TJP1: variants seen among roughly 807,000 people sequenced by gnomAD.
The protein encoded by TJP1 is tight junction protein 1.
A neutral mutation model predicts 194.2 loss-of-function variants in TJP1; 43 were observed. The ratio of observed to expected loss-of-function variants is 0.22; its 90% CI spans 0.17 to 0.29. The LOEUF (loss-of-function observed/expected upper bound fraction) is 0.29, where lower values mean the gene tolerates loss of function less well. Among genes scored for constraint, TJP1 ranks in the 10% least tolerant of loss-of-function variants. The probability of loss-of-function intolerance (pLI) is 1.00; values close to 1 mark genes in which losing one functional copy is unlikely to be tolerated. For synonymous variants in TJP1, 801 were observed against 779.0 expected (o/e 1.03, Z -0.47); for missense variants, 1,971 against 2,185.7 (o/e 0.90, Z 1.96).
intron 2 of TJP1, among the ~76,000 whole-genome samples, chr15:29,880,948 G>T (rs2052905867): frequency 6.6e-6 from 1 of 152,152 alleles, no homozygotes; most frequent in Non-Finnish European, 1.5e-5. Flanking sequence ...GCTTCTTTTG[G>T]ATATATACCT....
intron 2 of TJP1, among the ~76,000 whole-genome samples, chr15:29,902,831 C>A (rs1330295225): frequency 6.6e-6 from 1 of 152,064 alleles, no homozygotes; most frequent in South Asian, 2.1e-4. Flanking sequence ...GTCAACAGAT[C>A]GAGACCATCC....
At chr15:29,865,003 A>G (rs1051416782) in intron 2 of TJP1, among the ~76,000 whole-genome samples, 9 of 152,216 alleles carry the variant, frequency 5.9e-5, no homozygotes, top group African/African-American at 2.2e-4. Context: ...ACACACTAAG[A>G]GTACCCTTCC....
At chr15:29,811,889 T>TG (rs1209598727) in intron 1 of TJP1, among the ~76,000 whole-genome samples, 1 of 152,082 alleles carries the variant, frequency 6.6e-6, no homozygotes, top group Non-Finnish European at 1.5e-5. Flanking sequence ...AATGAATGAA[T>TG]GTCTTAAATA....
At chr15:29,877,662 CTCTT>C (rs1215492987) in intron 2 of TJP1, among the ~76,000 whole-genome samples, 15 of 146,270 alleles carry the variant, frequency 1.0e-4, no homozygotes, top group East Asian at 2.0e-4. Flanking sequence ...TTGTCTCTCT[CTCTT>C]TCTTTTTTTT....
At chr15:29,845,525 G>C (rs972969758) in intron 2 of TJP1, among the ~76,000 whole-genome samples, 14 of 152,180 alleles carry the variant, frequency 9.2e-5, no homozygotes, top group African/African-American at 3.1e-4. Context: ...AATTGTACTG[G>C]CTGGGCGCAG....
intron 1 of TJP1, among the ~76,000 whole-genome samples, chr15:29,965,332 CTT>C (rs2056297311): frequency 6.6e-6 from 1 of 152,082 alleles, no homozygotes; most frequent in African/African-American, 2.4e-5. Flanking sequence ...GCCTCAGCCT[CTT>C]GAGTAGCTGG....
At chr15:29,840,009 G>A (rs888714015) in intron 2 of TJP1, among the ~76,000 whole-genome samples, 1 of 152,164 alleles carries the variant, frequency 6.6e-6, no homozygotes, top group African/African-American at 2.4e-5. Flanking sequence ...TAATGACATT[G>A]AACAGCTTTT....
Position 29,761,585 on chromosome 15 carries a change from A to G in TJP1, c.862+16T>C. On this transcript the variant is annotated intron_variant, in intron 7 of 27. Coordinates refer to ENST00000614355, the MANE Select transcript of TJP1 (RefSeq NM_001330239.4). ...TAGGTCACTTAGAGGGAACGTTCAAACAGAATCACACTCACCGTCTCTCTC... is the reference window on the plus strand; with the variant it reads ...TAGGTCACTTAGAGGGAACGTTCAAGCAGAATCACACTCACCGTCTCTCTC... 1 of 1,578,702 alleles carries G rather than the reference A, an allele frequency of 6.3e-7. No individual in the cohort carries two copies. Among genetic ancestry groups the G allele is most frequent in the Non-Finnish European group, 8.6e-7 (1 of 1,159,262 alleles).
intron 2 of TJP1, 163 bp downstream of exon 2, chr15:29,800,483 T>C (rs1193728203): frequency 3.1e-6 from 2 of 645,300 alleles, no homozygotes; most frequent in Admixed American, 3.2e-5. Flanking sequence ...ATGCTCACTT[T>C]TGACCTTAAT....
At chr15:29,929,753 A>G (rs1037218459) in intron 2 of TJP1, among the ~76,000 whole-genome samples, 1 of 152,138 alleles carries the variant, frequency 6.6e-6, no homozygotes, top group African/African-American at 2.4e-5. Context: ...AGTCAGAAAA[A>G]GAACAAGAGT....
chr15:29,821,269 CG>C (rs2050322132), intron 1 of TJP1: 1 of 152,080 alleles, frequency 6.6e-6, no homozygotes, highest in South Asian at 2.1e-4. Context: ...ACAGGAAAAA[CG>C]TTACTTTTTT....
chr15:29,905,785 G>A (rs1240786453), intron 2 of TJP1, among the ~76,000 whole-genome samples: 3 of 152,230 alleles, frequency 2.0e-5, no homozygotes, highest in African/African-American at 7.2e-5. Context: ...GATATTGTAT[G>A]ATTCCAACTA....
At chr15:29,725,916 T>C (rs2151186651) in intron 18 of TJP1, among the ~76,000 whole-genome samples, 1 of 152,316 alleles carries the variant, frequency 6.6e-6, no homozygotes, top group South Asian at 2.1e-4. Context: ...GTGAGGGGTC[T>C]AGGGTTTATT....
At chr15:29,750,187 T>C (rs2045163898) in intron 8 of TJP1, among the ~76,000 whole-genome samples, 1 of 152,124 alleles carries the variant, frequency 6.6e-6, no homozygotes. Context: ...TTTGTATTTT[T>C]AGTAGAGACA....
At chr15:29,935,763 C>T (rs190680512) in intron 2 of TJP1, among the ~76,000 whole-genome samples, 33 of 152,192 alleles carry the variant, frequency 2.2e-4, no homozygotes, top group Admixed American at 1.4e-3. Context: ...AATCTGGTCT[C>T]CTGGGCCATC....
intron 2 of TJP1, among the ~76,000 whole-genome samples, chr15:29,783,972 A>G (rs1303918846): frequency 2.6e-5 from 4 of 152,222 alleles, no homozygotes; most frequent in East Asian, 1.9e-4. Context: ...AAATAAACAA[A>G]TAACATTTTT....
chr15:29,808,175 C>T (rs901443934), intron 1 of TJP1, among the ~76,000 whole-genome samples: 15 of 152,020 alleles, frequency 9.9e-5, no homozygotes, highest in Admixed American at 3.3e-4. Context: ...GGCTGAGGCA[C>T]GAGAATCACT....
intron 2 of TJP1, among the ~76,000 whole-genome samples, chr15:29,892,693 G>C (rs1020349888): frequency 1.3e-5 from 2 of 152,184 alleles, no homozygotes; most frequent in Admixed American, 1.3e-4. Context: ...CGGGATAGCA[G>C]CACTCTGTTT....
intron 2 of TJP1, among the ~76,000 whole-genome samples, chr15:29,881,230 T>C (rs1222570167): frequency 6.6e-6 from 1 of 152,212 alleles, no homozygotes; most frequent in Non-Finnish European, 1.5e-5. Context: ...CTCTTGGCCA[T>C]TTTTGTATGT....
Sources: allele counts gnomAD v4.1 joint callset (sites outside exome capture counted in the v4.1 genomes callset), GRCh38; gene constraint gnomAD v4.1.1; transcripts MANE v1.5; gene names NCBI Gene and HGNC (gene_info 2026-07-23, HGNC 2026-07-21).